RALGDS: variants seen among roughly 807,000 people sequenced by gnomAD.
RALGDS encodes the protein ral guanine nucleotide dissociation stimulator, also known as ral guanine nucleotide exchange factor.
A neutral mutation model predicts 99.8 loss-of-function variants in RALGDS; 44 were observed. That is an observed-to-expected ratio of 0.44 (90% CI 0.35 to 0.57). RALGDS has a LOEUF of 0.57. RALGDS is among the 20% of genes least tolerant of loss of function. RALGDS has a pLI of 0.01. For missense variants in RALGDS, 1,022 were observed against 1,203.1 expected (o/e 0.85, Z 2.23); for synonymous variants, 529 against 505.0 (o/e 1.05, Z -0.64).
At chr9:133,142,321 TTC>T (rs1323257931) in intron 1 of RALGDS, among the ~76,000 whole-genome samples, 1 of 152,132 alleles carries the variant, frequency 6.6e-6, no homozygotes, top group African/African-American at 2.4e-5. Flanking sequence ...TCTCTGCATT[TTC>T]TCTTTCAGCC....
At chr9:133,137,709 G>C (rs1256196630) in intron 1 of RALGDS, among the ~76,000 whole-genome samples, 1 of 152,240 alleles carries the variant, frequency 6.6e-6, no homozygotes, top group East Asian at 1.9e-4. Flanking sequence ...CCAGAAGCCA[G>C]CCTGCCCTGG....
chr9:133,114,234 C>CA (rs1351694028), intron 1 of RALGDS, among the ~76,000 whole-genome samples: 1 of 152,220 alleles, frequency 6.6e-6, no homozygotes, highest in African/African-American at 2.4e-5. Context: ...GCCACCCTGT[C>CA]ACACAGTCGG....
intron 1 of RALGDS, among the ~76,000 whole-genome samples, chr9:133,120,066 T>C (rs1831842546): frequency 1.3e-5 from 2 of 152,160 alleles, no homozygotes; most frequent in Non-Finnish European, 2.9e-5. Flanking sequence ...GATCCAGGAA[T>C]GGCCTCTGTG....
chr9:133,120,086 T>C (rs951300587), intron 1 of RALGDS, among the ~76,000 whole-genome samples: 3 of 152,138 alleles, frequency 2.0e-5, no homozygotes, highest in African/African-American at 7.2e-5. Flanking sequence ...GCAGGCCCTG[T>C]GCCCAGGCAG....
Position 133,144,228 on chromosome 9 carries a change from C to G in RALGDS, c.18+4735G>C, listed in dbSNP as rs1235470795. Among the ~76,000 whole-genome samples the G allele has an allele frequency of 2.6e-5, 4 of 152,292 alleles. No homozygotes were observed. Among genetic ancestry groups the G allele is most frequent in the Non-Finnish European group, 4.4e-5 (3 of 68,010 alleles). ...GCCTCTGGAGAGGCCTGAGAAAGGCCGGCTCAGCTTGCAGGCGAGGAACCA... is the reference window on the plus strand; with the variant it reads ...GCCTCTGGAGAGGCCTGAGAAAGGCGGGCTCAGCTTGCAGGCGAGGAACCA... On this transcript the variant is annotated intron_variant, in intron 1 of 17. Transcript: ENST00000393160. The surrounding 1 kb of genome is among the most constrained non-coding windows in gnomAD (Gnocchi z 4.5).
Position 133,104,209 on chromosome 9 carries a change from C to T in RALGDS, c.1671+54G>A. ...CCGTGGCTAGAGAGGAAAGGGCCCTCCTCCCTACCCCCAGGCCAGCCCCCT... is the reference window on the plus strand; with the variant it reads ...CCGTGGCTAGAGAGGAAAGGGCCCTTCTCCCTACCCCCAGGCCAGCCCCCT... On this transcript the variant is annotated intron_variant, in intron 10 of 17. Coordinates refer to ENST00000372050, the MANE Select transcript of RALGDS (RefSeq NM_006266.4). 6 of 1,542,980 alleles carry T rather than the reference C, an allele frequency of 3.9e-6. 1 individual carries two copies. In the South Asian group the frequency reaches 6.7e-5, roughly 17 times the overall value.
chr9:133,123,069 TG>T (rs1223261901), upstream of RALGDS, among the ~76,000 whole-genome samples: 1 of 151,896 alleles, frequency 6.6e-6, no homozygotes, highest in Non-Finnish European at 1.5e-5. Context: ...CCCTAGAGGC[TG>T]TTTAGGAAGC....
intron 17 of RALGDS, 77 bp downstream of exon 17, chr9:133,100,191 C>T (rs1042443095): frequency 7.3e-7 from 1 of 1,363,538 alleles, no homozygotes; most frequent in Non-Finnish European, 1.1e-6. Context: ...TTTCTGGGGC[C>T]AAAGGCTTCC....
In RALGDS at chr9:133,146,381, G is replaced by C. The variant is rs372355700; in HGVS notation, c.18+2582C>G. 1.6e-3 allele frequency among the ~76,000 whole-genome samples: 237 copies of C among 152,150 alleles called. 2 individuals are homozygous for C. Among genetic ancestry groups the C allele is most frequent in the African/African-American group, 5.4e-3 (226 of 41,494 alleles). On this transcript the variant is annotated intron_variant, in intron 1 of 17. Coordinates refer to the RALGDS transcript ENST00000393160. Reference sequence around the variant, plus strand: ...TTTTGTATTTCTTTTTTGTAGAGACGGGGTTTCACCACGTTGGCCAGGCTG... The same window carrying C: ...TTTTGTATTTCTTTTTTGTAGAGACCGGGTTTCACCACGTTGGCCAGGCTG...
intron 11 of RALGDS, 92 bp downstream of exon 11, chr9:133,103,655 C>T: frequency 7.7e-7 from 1 of 1,292,128 alleles, no homozygotes. Flanking sequence ...GCTGTTTACT[C>T]ATTGCTGGGA....
intron 16 of RALGDS, chr9:133,100,864 G>C (rs1467968864): frequency 1.9e-6 from 2 of 1,059,858 alleles, no homozygotes; most frequent in Non-Finnish European, 2.3e-6. Context: ...GGCCACAGGT[G>C]ACTGCTTAAT....
chr9:133,137,126 G>A (rs1055157370), intron 1 of RALGDS, among the ~76,000 whole-genome samples: 2 of 151,950 alleles, frequency 1.3e-5, no homozygotes, highest in Admixed American at 6.6e-5. Flanking sequence ...CCAGCTACTC[G>A]GGAGGCTGAA....
intron 1 of RALGDS, among the ~76,000 whole-genome samples, chr9:133,113,252 TCAGAGAAGGCCTGGCAGA>T (rs764563506): frequency 6.6e-6 from 1 of 152,146 alleles, no homozygotes; most frequent in Non-Finnish European, 1.5e-5. Flanking sequence ...GGCGTGGAGC[TCAGAGAAGGCCTGGCAGA>T]CAGTGCTGAC....
At position 133,105,524 on chromosome 9, in the gene RALGDS, G is replaced by A. The variant is rs892870345; in HGVS notation, c.1602+408C>T. 4.6e-5 allele frequency among the ~76,000 whole-genome samples: 7 copies of A among 152,260 alleles called. No homozygotes were observed. The East Asian group carries it at 7.7e-4, about 17-fold the overall frequency. On this transcript the variant is annotated intron_variant, in intron 9 of 17. Transcript: ENST00000372050. ...GGCAGGCTGCCCTCTCCTTGGGTGTGTAGAGCAGACAGAGGTAGCGTCAGG... is the reference window on the plus strand; with the variant it reads ...GGCAGGCTGCCCTCTCCTTGGGTGTATAGAGCAGACAGAGGTAGCGTCAGG...
intron 1 of RALGDS, chr9:133,129,210 C>A (rs369104933): frequency 1.9e-6 from 3 of 1,597,238 alleles, no homozygotes; most frequent in Non-Finnish European, 2.5e-6. Flanking sequence ...CGACGGGCGA[C>A]GGCCCTTCTC....
In RALGDS at chr9:133,112,039, C is replaced by T. The variant is rs1245762519; in HGVS notation, c.294+3G>A. The T allele has an allele frequency of 6.4e-7, 1 of 1,567,316 alleles. No homozygotes were observed. Among genetic ancestry groups the T allele is most frequent in the Non-Finnish European group, 8.7e-7 (1 of 1,155,026 alleles). On this transcript the variant is annotated splice_donor_region_variant and intron_variant, in intron 2 of 17. Coordinates refer to ENST00000372050, the MANE Select transcript of RALGDS (RefSeq NM_006266.4). ...TCCCAGTGGAGACCCCGAGCGCACT[C>T]ACCCCGAGCCAGCGCTGCCCCTTGT...
At chr9:133,134,382 C>G (rs939144798), upstream of RALGDS, among the ~76,000 whole-genome samples, 1 of 152,220 alleles carries the variant, frequency 6.6e-6, no homozygotes, top group Non-Finnish European at 1.5e-5. Flanking sequence ...CCTAGTCTGG[C>G]GCCGCCTTTA....
At chr9:133,121,279 G>T (rs1438492584), upstream of RALGDS, 12 of 980,008 alleles carry the variant, frequency 1.2e-5, 1 homozygote, top group Non-Finnish European at 1.5e-5. Flanking sequence ...TCAGGCTGGG[G>T]GGCGGGGCCG....
chr9:133,110,240 T>G (rs984015527), intron 3 of RALGDS, 56 bp downstream of exon 3: 211 of 1,533,532 alleles, frequency 1.4e-4, no homozygotes, highest in Non-Finnish European at 1.9e-4. Flanking sequence ...CGCAGCCAGG[T>G]GGGGGTGGGG....
Sources: allele counts gnomAD v4.1 joint callset (sites outside exome capture counted in the v4.1 genomes callset), GRCh38; gene constraint gnomAD v4.1.1; non-coding constraint Gnocchi (gnomAD v3.1); transcripts MANE v1.5; gene names NCBI Gene and HGNC (gene_info 2026-07-23, HGNC 2026-07-21).